AP2B1: variants seen among roughly 807,000 people sequenced by gnomAD.
AP2B1 encodes adaptor related protein complex 2 subunit beta 1, also known as AP-2 complex subunit beta.
Under a neutral mutation model 102.0 loss-of-function variants are expected in AP2B1, and 23 were observed. That is an observed-to-expected ratio of 0.23 (90% CI 0.16 to 0.32). The LOEUF (loss-of-function observed/expected upper bound fraction) is 0.32. Among genes scored for constraint, AP2B1 ranks in the 10% least tolerant of loss-of-function variants. AP2B1 has a pLI of 1.00. For synonymous variants in AP2B1, 381 were observed against 421.2 expected (o/e 0.90, Z 1.17); for missense variants, 541 against 1,157.4 (o/e 0.47, Z 7.73).
At chr17:35,680,248 A>G (rs1404048625) in intron 17 of AP2B1, among the ~76,000 whole-genome samples, 1 of 152,144 alleles carries the variant, frequency 6.6e-6, no homozygotes, top group African/African-American at 2.4e-5. Flanking sequence ...TCGTAGTCCC[A>G]TCTTCCATCA....
In AP2B1 at chr17:35,646,603, T is replaced by TG. The variant is rs397810573; in HGVS notation, c.1537-3926dup. ...TATATATAATTTTTTTTTTTTTTTT[T>TG]GAGATGGAGTCTCACTCTGTTACCC... On this transcript the variant is annotated intron_variant, in intron 12 of 21. Transcript: ENST00000610402. 7.9e-3 allele frequency among the ~76,000 whole-genome samples: 1,173 copies of TG among 149,422 alleles called. 7 individuals are homozygous for TG. The highest frequency in any genetic ancestry group is 0.024 in the African/African-American group (975 of 40,564).
At position 35,704,403 on chromosome 17, in the gene AP2B1, T is replaced by C. The variant is rs781305566; in HGVS notation, c.2455-4821T>C. 7.9e-5 allele frequency among the ~76,000 whole-genome samples: 12 copies of C among 152,328 alleles called. 1 individual carries two copies. The highest frequency in any genetic ancestry group is 7.8e-4 in the Admixed American group (12 of 15,306). On this transcript the variant is annotated intron_variant, in intron 18 of 21. Coordinates refer to ENST00000610402, the MANE Select transcript of AP2B1 (RefSeq NM_001030006.2). ...TGCTGATGGGATTCTGTTATGTATA[T>C]GAATGATATGGAGGTAGAAAAAATG...
intron 12 of AP2B1, among the ~76,000 whole-genome samples, chr17:35,647,888 TTTG>T (rs1213326379): frequency 2.7e-5 from 1 of 37,236 alleles, no homozygotes; most frequent in African/African-American, 2.8e-4. Flanking sequence ...GTTTTGGGGG[TTTG>T]TTTTTTTTTT....
chr17:35,608,533 T>C (rs2073760707), intron 5 of AP2B1, 146 bp downstream of exon 5: 1 of 1,025,728 alleles, frequency 9.7e-7, no homozygotes, highest in South Asian at 1.6e-5. Context: ...AGATTGTATA[T>C]TTCATATCCT....
intron 5 of AP2B1, among the ~76,000 whole-genome samples, chr17:35,620,357 T>C (rs1168744084): frequency 6.6e-6 from 1 of 151,680 alleles, no homozygotes; most frequent in Non-Finnish European, 1.5e-5. Context: ...GCATGCACTG[T>C]GGTCCCATCT....
intron 12 of AP2B1, among the ~76,000 whole-genome samples, chr17:35,649,847 A>G (rs530647338): frequency 6.6e-6 from 1 of 151,920 alleles, no homozygotes; most frequent in Non-Finnish European, 1.5e-5. Context: ...CTGCAGCCTC[A>G]ACCTCCTGGG....
At chr17:35,598,736 A>G (rs225295) in intron 3 of AP2B1, among the ~76,000 whole-genome samples, 97,475 of 152,030 alleles carry the variant, frequency 0.64, 31,270 homozygotes, top group African/African-American at 0.66. Context: ...TGTACATTCA[A>G]TTGCTGGATT....
chr17:35,682,637 C>T, intron 17 of AP2B1, 58 bp from the exon 18 acceptor site: 1 of 1,567,728 alleles, frequency 6.4e-7, no homozygotes, highest in Non-Finnish European at 8.7e-7. Context: ...AGCCACCATG[C>T]CCAGCCTAAA....
At chr17:35,633,085 G>A (rs1230254854) in intron 9 of AP2B1, among the ~76,000 whole-genome samples, 1 of 152,046 alleles carries the variant, frequency 6.6e-6, no homozygotes, top group Non-Finnish European at 1.5e-5. Context: ...AGAATCGGCC[G>A]GGCGCGGTGG....
intron 11 of AP2B1, among the ~76,000 whole-genome samples, chr17:35,640,408 T>C (rs2074745335): frequency 6.6e-6 from 1 of 151,162 alleles, no homozygotes; most frequent in Non-Finnish European, 1.5e-5. Flanking sequence ...AACTAATTTT[T>C]TGTATTTTTA....
At chr17:35,647,092 A>C (rs2074954554) in intron 12 of AP2B1, among the ~76,000 whole-genome samples, 1 of 152,170 alleles carries the variant, frequency 6.6e-6, no homozygotes, top group Admixed American at 6.5e-5. Flanking sequence ...TAATAAGATA[A>C]ATGCAGTGTT....
intron 14 of AP2B1, among the ~76,000 whole-genome samples, chr17:35,663,869 GA>G (rs949078424): frequency 3.0e-4 from 46 of 152,300 alleles, no homozygotes; most frequent in Non-Finnish European, 1.5e-4. Context: ...CATTCATGAA[GA>G]AAAGAGACTG....
intron 4 of AP2B1, 158 bp from the exon 5 acceptor site, chr17:35,607,984 T>C (rs555802999): frequency 2.4e-5 from 20 of 847,254 alleles, no homozygotes; most frequent in Non-Finnish European, 3.1e-5. Context: ...AGCTAAGATT[T>C]GTACTTAGGA....
At chr17:35,622,502 T>A (rs1256471317) in intron 5 of AP2B1, among the ~76,000 whole-genome samples, 1 of 152,224 alleles carries the variant, frequency 6.6e-6, no homozygotes, top group Non-Finnish European at 1.5e-5. Flanking sequence ...TTATGTTTCT[T>A]CCCTTGCTAA....
At chr17:35,671,684 T>C (rs1598241251) in intron 15 of AP2B1, 70 bp from the exon 16 acceptor site, 11 of 1,470,676 alleles carry the variant, frequency 7.5e-6, no homozygotes, top group East Asian at 2.3e-5. Context: ...CTAAGATATA[T>C]AGCAATATTT....
intron 18 of AP2B1, among the ~76,000 whole-genome samples, chr17:35,699,159 T>C (rs745317863): frequency 6.6e-6 from 1 of 152,224 alleles, no homozygotes; most frequent in Admixed American, 6.5e-5. Flanking sequence ...CTAAGAGAGA[T>C]TGGCTCTTAG....
intron 18 of AP2B1, among the ~76,000 whole-genome samples, chr17:35,703,960 T>C (rs2076290775): frequency 6.6e-6 from 1 of 152,214 alleles, no homozygotes; most frequent in South Asian, 2.1e-4. Context: ...TTATAGCTTT[T>C]GGAAAATAGT....
chr17:35,641,520 A>G (rs976044809), intron 11 of AP2B1, among the ~76,000 whole-genome samples: 9 of 152,124 alleles, frequency 5.9e-5, no homozygotes, highest in Admixed American at 1.3e-4. Flanking sequence ...TGAGGCTACA[A>G]TGAGCTATGG....
At chr17:35,673,016 G>A (rs975263716) in intron 16 of AP2B1, among the ~76,000 whole-genome samples, 1 of 152,016 alleles carries the variant, frequency 6.6e-6, no homozygotes, top group African/African-American at 2.4e-5. Context: ...TTTTGAATCC[G>A]TATATCTACT....
Sources: allele counts gnomAD v4.1 joint callset (sites outside exome capture counted in the v4.1 genomes callset), GRCh38; gene constraint gnomAD v4.1.1; transcripts MANE v1.5; gene names NCBI Gene and HGNC (gene_info 2026-07-23, HGNC 2026-07-21).